FAT2: variants seen among roughly 807,000 people sequenced by gnomAD.
FAT2 encodes the protein protocadherin Fat 2.
A neutral mutation model predicts 295.3 loss-of-function variants in FAT2; 150 were observed. The ratio of observed to expected loss-of-function variants is 0.51; its 90% CI spans 0.44 to 0.58. The LOEUF (loss-of-function observed/expected upper bound fraction) is 0.58. Ranked by LOEUF, FAT2 falls within the 20% of genes least tolerant of loss-of-function variation. FAT2 has a pLI of 0.00. For synonymous variants in FAT2, 2,026 were observed against 2,150.3 expected (o/e 0.94, Z 1.60); for missense variants, 4,868 against 5,442.7 (o/e 0.89, Z 3.32).
chr5:151,517,740 C>G lies in FAT2; in HGVS notation c.11343G>C (p.Gln3781His), dbSNP rs768014602. 1.2e-6 allele frequency: 2 copies of G among 1,614,224 alleles called. No individual in the cohort carries two copies. Among genetic ancestry groups the G allele is most frequent in the East Asian group, 4.5e-5 (2 of 44,890 alleles). ...CTGGGGCCCTGTACCGCACATAGCT[C>G]TGACCACTGAACCTTGTAGCAGTAC... is the stretch of plus-strand genomic sequence containing the variant. ...CNGTATRFSGQSYVRYRAPAA... is the reference protein window; with the variant it reads ...CNGTATRFSGHSYVRYRAPAA... Residue 3781 changes from glutamine (Q) to histidine (H), a missense_variant, in exon 20 of 24, where the codon CAG becomes CAC. Physicochemically the swap from Gln to His is conservative, Grantham distance 24. Transcript: ENST00000261800.
At chr5:151,579,808 G>A (rs1481529709) in intron 1 of FAT2, among the ~76,000 whole-genome samples, 1 of 151,860 alleles carries the variant, frequency 6.6e-6, no homozygotes, top group Non-Finnish European at 1.5e-5. Context: ...AGAACTAGAT[G>A]GTGCCTGTTA....
intron 21 of FAT2, chr5:151,511,779 T>C (rs956960699): frequency 1.0e-5 from 2 of 192,826 alleles, no homozygotes; most frequent in African/African-American, 4.7e-5. Context: ...CAAGAACTCA[T>C]TCAAAAACTG....
At position 151,585,257 on chromosome 5, in the gene FAT2, G is replaced by A. The variant is rs1212014682; in HGVS notation, c.-21+5908C>T. On this transcript the variant is annotated intron_variant, in intron 1 of 23. Transcript: ENST00000261800. ...GGCAACGGGCACCAGGGGGATCTCA[G>A]GGGGCTGGGAATGTCTGCTTTTTGT... Among the ~76,000 whole-genome samples, 5 of 152,328 alleles carry A rather than the reference G, an allele frequency of 3.3e-5. No individual in the cohort carries two copies. In the East Asian group the frequency reaches 9.6e-4, roughly 29 times the overall value.
intron 1 of FAT2, among the ~76,000 whole-genome samples, chr5:151,575,290 A>G (rs1202799509): frequency 1.3e-5 from 2 of 152,258 alleles, no homozygotes; most frequent in South Asian, 2.1e-4. Context: ...ATGATAATCT[A>G]TACATTTTCA....
At chr5:151,588,592 G>T (rs1052138263) in intron 1 of FAT2, among the ~76,000 whole-genome samples, 1 of 152,196 alleles carries the variant, frequency 6.6e-6, no homozygotes, top group Admixed American at 6.5e-5. Context: ...CAGCAGATAG[G>T]CAATGAGCTT....
chr5:151,535,890 T>G (rs149524885), intron 12 of FAT2, among the ~76,000 whole-genome samples: 1 of 152,210 alleles, frequency 6.6e-6, no homozygotes, highest in Non-Finnish European at 1.5e-5. Context: ...CACAGAAGTC[T>G]TCTTTGCTGA....
rs776908771 is a variant in FAT2, at chr5:151,566,701, G to A, written c.2231C>T (p.Ala744Val). 5 of 1,614,146 alleles carry A rather than the reference G, an allele frequency of 3.1e-6. No individual in the cohort carries two copies. The South Asian group carries it at 5.5e-5, about 18-fold the overall frequency. The change falls in exon 2 of 24, where the codon GCT becomes GTT. Residue 744 changes from alanine (A) to valine (V), a missense_variant. Physicochemically the swap from Ala to Val is moderately conservative, Grantham distance 64. This residue lies in a region of FAT2 where 3,297 missense variants were observed against 3,669.4 expected (regional missense o/e 0.90). Coordinates refer to ENST00000261800, the MANE Select transcript of FAT2 (RefSeq NM_001447.3). The stretch of plus-strand genomic sequence containing the variant: ...ATAGACCAGTTTGCCATTAAAACCA[G>A]CATCAGGGTCAGTGGCTGCTAGGCG... ...LARLAATDPD[A>V]GFNGKLVYVI...
intron 1 of FAT2, among the ~76,000 whole-genome samples, chr5:151,574,340 A>C (rs750898458): frequency 6.6e-6 from 1 of 152,056 alleles, no homozygotes; most frequent in African/African-American, 2.4e-5. Context: ...TAATTGTCCC[A>C]CCCCTCTGCC....
At chr5:151,573,981 G>A (rs1424234901) in intron 1 of FAT2, among the ~76,000 whole-genome samples, 6 of 152,162 alleles carry the variant, frequency 3.9e-5, no homozygotes, top group African/African-American at 1.4e-4. Context: ...TTGTCCTTGG[G>A]GGAGATAAGA....
intron 11 of FAT2, among the ~76,000 whole-genome samples, 190 bp from the exon 12 acceptor site, chr5:151,538,136 C>T (rs1755672794): frequency 6.6e-6 from 1 of 151,744 alleles, no homozygotes; most frequent in Admixed American, 6.6e-5. Flanking sequence ...GGGAGGGGAA[C>T]AGAGGAGGTA....
intron 18 of FAT2, among the ~76,000 whole-genome samples, chr5:151,522,888 A>G (rs1186772535): frequency 6.6e-6 from 1 of 152,216 alleles, no homozygotes; most frequent in Non-Finnish European, 1.5e-5. Context: ...GTTGCAGTTA[A>G]TGTCAGAACT....
Position 151,510,177 on chromosome 5 carries a change from A to T in FAT2, c.11906-3T>A. On this transcript the variant is annotated splice_region_variant and splice_polypyrimidine_tract_variant and intron_variant, in intron 21 of 23. Transcript: ENST00000261800. The stretch of plus-strand genomic sequence containing the variant: ...TGGGGGACATTTGCAGACATAGCCT[A>T]GGAGAAAAAGAAGGGAGGTGAGAGA... The T allele has an allele frequency of 6.2e-7, 1 of 1,613,956 alleles. No homozygotes were observed. The highest frequency in any genetic ancestry group is 8.5e-7 in the Non-Finnish European group (1 of 1,179,898).
At chr5:151,577,726 C>G (rs1758797825) in intron 1 of FAT2, among the ~76,000 whole-genome samples, 1 of 152,114 alleles carries the variant, frequency 6.6e-6, no homozygotes, top group Non-Finnish European at 1.5e-5. Context: ...CAAGGAAACG[C>G]TGCTGTGGGT....
chr5:151,540,597 G>A lies in FAT2; in HGVS notation c.9009C>T (p.Asp3003=), dbSNP rs756285145. The part of the protein sequence containing the change: ...ASVTVEIFVL[D]VNDNSPQCSQ... ...AACACTGTGGGCTGTTATCATTGACGTCCAGGACAAAGATCTCCACAGTGA... is the reference window on the plus strand; with the variant it reads ...AACACTGTGGGCTGTTATCATTGACATCCAGGACAAAGATCTCCACAGTGA... The change falls in exon 11 of 24, where the codon GAC becomes GAT. Residue 3003 remains aspartate (D), a synonymous_variant. Coordinates refer to ENST00000261800, the MANE Select transcript of FAT2 (RefSeq NM_001447.3). The A allele has an allele frequency of 1.4e-5, 23 of 1,613,580 alleles. No homozygotes were observed. Among genetic ancestry groups the A allele is most frequent in the Middle Eastern group, 1.7e-4 (1 of 6,058 alleles).
At chr5:151,570,661 G>C (rs77306386) in intron 1 of FAT2, among the ~76,000 whole-genome samples, 49 of 151,864 alleles carry the variant, frequency 3.2e-4, no homozygotes, top group East Asian at 2.3e-3. Context: ...GCTGATGCCT[G>C]GCTTGCCCCT....
At chr5:151,513,015 A>G (rs946817433) in intron 20 of FAT2, among the ~76,000 whole-genome samples, 4 of 152,234 alleles carry the variant, frequency 2.6e-5, no homozygotes, top group African/African-American at 7.2e-5. Context: ...GCAGTTCTCA[A>G]AGTAGGTCCC....
At chr5:151,510,273 C>A (rs1047706847) in intron 21 of FAT2, 99 bp from the exon 22 acceptor site, 4 of 1,372,308 alleles carry the variant, frequency 2.9e-6, no homozygotes, top group Middle Eastern at 4.1e-4. Context: ...CGTTCAGTTA[C>A]CATTTATTTA....
intron 14 of FAT2, among the ~76,000 whole-genome samples, chr5:151,530,609 C>T: frequency 6.6e-6 from 1 of 152,318 alleles, no homozygotes; most frequent in Non-Finnish European, 1.5e-5. Flanking sequence ...TACTAACAAA[C>T]CAGTTTCGAA....
In FAT2 at chr5:151,542,776, T is replaced by A; in HGVS notation, c.8351A>T (p.Asn2784Ile). ...NTDVVSLVSV[N>I]IQVGDVNDNR... ...GTCATTGACGTCTCCCACTTGGATG[T>A]TGACAGAGACCAAGGACACCACATC... Residue 2784 changes from asparagine to isoleucine, a missense_variant, in exon 10 of 24, where the codon AAC becomes ATC. Physicochemically the swap from Asn to Ile is moderately radical, Grantham distance 149 (BLOSUM62 -3). Around this residue, in one of 5 missense-constraint regions of FAT2, gnomAD observed 3,297 missense variants for 3,669.4 expected, o/e 0.90. Transcript: ENST00000261800. The A allele has an allele frequency of 6.2e-7, 1 of 1,614,222 alleles. No homozygotes were observed. Among genetic ancestry groups the A allele is most frequent in the Non-Finnish European group, 8.5e-7 (1 of 1,180,042 alleles).
Sources: gnomAD v4.1 joint callset for allele counts (sites outside exome capture counted in the v4.1 genomes callset) on GRCh38, gnomAD v4.1.1 for gene constraint, gnomAD v4.1.1 regional missense constraint, MANE v1.5 for transcripts, NCBI Gene and HGNC (gene_info 2026-07-23, HGNC 2026-07-21) for gene names.